HAVCR2: variants seen among roughly 807,000 people sequenced by gnomAD.
HAVCR2 encodes hepatitis A virus cellular receptor 2.
A neutral mutation model predicts 24.7 loss-of-function variants in HAVCR2; 13 were observed. The observed-to-expected ratio is 0.53, with a 90% CI of 0.34 to 0.84. HAVCR2 has a LOEUF of 0.84. HAVCR2 is among the 40% of genes least tolerant of loss of function. HAVCR2 has a pLI of 0.01. For missense variants in HAVCR2, 343 were observed against 371.2 expected, an observed-to-expected ratio of 0.92 and a Z score of 0.62; for synonymous variants, 154 against 143.4, an observed-to-expected ratio of 1.07 and a Z score of -0.53.
chr5:157,092,339 A>G (rs539472278), intron 5 of HAVCR2, among the ~76,000 whole-genome samples: 5 of 152,182 alleles, frequency 3.3e-5, no homozygotes, highest in Admixed American at 1.3e-4. Context: ...ACTCATGCCT[A>G]TAATCCCAAC....
chr5:157,108,160 T>C (rs1209431596), intron 1 of HAVCR2, among the ~76,000 whole-genome samples: 1 of 151,872 alleles, frequency 6.6e-6, no homozygotes, highest in Non-Finnish European at 1.5e-5. Flanking sequence ...TCAACTACAG[T>C]AAAAACATTC....
intron 4 of HAVCR2, 83 bp downstream of exon 4, chr5:157,098,775 A>T: frequency 7.8e-7 from 1 of 1,281,180 alleles, no homozygotes; most frequent in Non-Finnish European, 1.1e-6. Flanking sequence ...TACCCCAAGG[A>T]CAAGGTGGGC....
At chr5:157,102,450 A>G (rs1757181230) in intron 3 of HAVCR2, among the ~76,000 whole-genome samples, 1 of 152,186 alleles carries the variant, frequency 6.6e-6, no homozygotes, top group African/African-American at 2.4e-5. Context: ...AATGTTACAT[A>G]TTATAGACAA....
intron 1 of HAVCR2, among the ~76,000 whole-genome samples, 170 bp downstream of exon 1, chr5:157,108,756 T>C (rs566295335): frequency 6.6e-6 from 1 of 152,360 alleles, no homozygotes; most frequent in South Asian, 2.1e-4. Context: ...ACTCACTGTT[T>C]GTATCATGAT....
rs578177617 is a variant in HAVCR2, at chr5:157,101,956, T to C, written c.478+2710A>G. ...ATGCCCGGCTATTTTTTTTTTTTTT[T>C]TTTTTTTTGGGATGGAATCTCGCTC... On this transcript the variant is annotated intron_variant, in intron 3 of 6. Transcript: ENST00000307851. Among the ~76,000 whole-genome samples, 26 of 147,654 alleles carry C rather than the reference T, an allele frequency of 1.8e-4. No individual in the cohort carries two copies. The East Asian group carries it at 5.1e-3, about 29-fold the overall frequency.
intron 2 of HAVCR2, chr5:157,106,070 C>T (rs946901249): frequency 6.5e-6 from 1 of 152,778 alleles, no homozygotes; most frequent in Non-Finnish European, 1.5e-5. Context: ...TCTCTAACCA[C>T]TGATCTAGGC....
At chr5:157,108,861 G>T (rs936253585) in intron 1 of HAVCR2, 65 bp downstream of exon 1, 5 of 1,486,870 alleles carry the variant, frequency 3.4e-6, no homozygotes, top group Non-Finnish European at 4.6e-6. Context: ...GGCCATCCTT[G>T]TATCTCTCCC....
At chr5:157,098,284 G>A (rs1406724806) in intron 4 of HAVCR2, among the ~76,000 whole-genome samples, 1 of 152,064 alleles carries the variant, frequency 6.6e-6, no homozygotes. Flanking sequence ...GCTCATGCCT[G>A]TAATCCCAGC....
At position 157,109,043 on chromosome 5, in the gene HAVCR2, A is replaced by G. The variant is rs1757292061; in HGVS notation, c.-60T>C. 4 of 1,483,868 alleles carry G rather than the reference A, an allele frequency of 2.7e-6. No homozygotes were observed. Among genetic ancestry groups the G allele is most frequent in the African/African-American group, 1.4e-5 (1 of 72,468 alleles). 91.9% of individuals were successfully genotyped at this position (1,483,868 alleles called of 1,614,324 possible). ...GTTAGGCACAGTTTTAACTCTCCAAATGGACTGGGTACTTCTTCCAACTGT... is the reference window on the plus strand; with the variant it reads ...GTTAGGCACAGTTTTAACTCTCCAAGTGGACTGGGTACTTCTTCCAACTGT... On this transcript the variant is annotated 5_prime_UTR_variant, in exon 1 of 7. Transcript: ENST00000307851.
intron 1 of HAVCR2, among the ~76,000 whole-genome samples, chr5:157,107,974 G>T (rs115387715): frequency 6.6e-6 from 1 of 150,408 alleles, no homozygotes; most frequent in African/African-American, 2.5e-5. Flanking sequence ...TGTCTCTCAG[G>T]TGCCTCCTTA....
chr5:157,100,463 A>G lies in HAVCR2; in HGVS notation c.479-1562T>C, dbSNP rs138042302. 4.6e-3 allele frequency among the ~76,000 whole-genome samples: 704 copies of G among 152,226 alleles called. 7 individuals carry two copies. Among genetic ancestry groups the G allele is most frequent in the African/African-American group, 0.016 (671 of 41,530 alleles). ...CTGCTGATCCATTCCATGAATATGC[A>G]CTATGCCCTTACTCTAGGCACAGGG... On this transcript the variant is annotated intron_variant, in intron 3 of 6. Transcript: ENST00000307851.
In HAVCR2 at chr5:157,086,975, T is replaced by G; in HGVS notation, c.*127A>C. ...CCCAGTTCAATTCCCATGTGAGTCA[T>G]TATCTTCTGAAAATGGGAAAACTCT... On this transcript the variant is annotated 3_prime_UTR_variant, in exon 7 of 7. Transcript: ENST00000307851. 1 of 752,486 alleles carries G rather than the reference T, an allele frequency of 1.3e-6. No homozygotes were observed. Among genetic ancestry groups the G allele is most frequent in the Non-Finnish European group, 2.2e-6 (1 of 462,538 alleles). The allele number at this position is 752,486 out of a possible 1,614,324, so 46.6% of individuals were successfully genotyped here.
In HAVCR2 at chr5:157,096,955, CACACACACAT is replaced by C. The variant is rs1466272059; in HGVS notation, c.523-1506_523-1497del. Among the ~76,000 whole-genome samples the C allele has an allele frequency of 7.7e-3, 1,156 of 149,826 alleles. 14 individuals are homozygous for C. Among genetic ancestry groups the C allele is most frequent in the African/African-American group, 0.028 (1,100 of 39,744 alleles). On this transcript the variant is annotated intron_variant, in intron 4 of 6. Coordinates refer to ENST00000307851, the MANE Select transcript of HAVCR2 (RefSeq NM_032782.5). ...ACACACACACACACACACACACACA[CACACACACAT>C]ATAATTATAAGCATTTTTAAAACAA...
chr5:157,103,499 T>C (rs1214958458), intron 3 of HAVCR2, among the ~76,000 whole-genome samples: 2 of 152,220 alleles, frequency 1.3e-5, no homozygotes, highest in African/African-American at 4.8e-5. Flanking sequence ...AATAAGTATC[T>C]GGTATAACTT....
intron 6 of HAVCR2, among the ~76,000 whole-genome samples, chr5:157,087,828 G>A (rs1030651038): frequency 4.7e-5 from 7 of 150,190 alleles, no homozygotes; most frequent in Admixed American, 1.3e-4. Flanking sequence ...GCTTGAACCC[G>A]AGAAGCAGAG....
intron 3 of HAVCR2, among the ~76,000 whole-genome samples, chr5:157,099,611 T>C (rs1247403279): frequency 6.6e-6 from 1 of 151,840 alleles, no homozygotes; most frequent in East Asian, 1.9e-4. Context: ...CCTTCTTTTT[T>C]GTTTTTTTGA....
chr5:157,100,874 G>T (rs935084723), intron 3 of HAVCR2, among the ~76,000 whole-genome samples: 1 of 152,142 alleles, frequency 6.6e-6, no homozygotes, highest in African/African-American at 2.4e-5. Context: ...AGGGCAGGCA[G>T]ATCACGAGGT....
chr5:157,108,070 C>A (rs1010333801), intron 1 of HAVCR2, among the ~76,000 whole-genome samples: 16 of 151,602 alleles, frequency 1.1e-4, no homozygotes, highest in African/African-American at 3.9e-4. Flanking sequence ...TAAAAAAAAA[C>A]TATATATATT....
intron 4 of HAVCR2, among the ~76,000 whole-genome samples, chr5:157,096,283 C>A (rs564216061): frequency 6.7e-6 from 1 of 149,608 alleles, no homozygotes; most frequent in African/African-American, 2.5e-5. Context: ...GCTGAGTAAT[C>A]CTGTAGAGTT....
Sources: allele counts gnomAD v4.1 joint callset (sites outside exome capture counted in the v4.1 genomes callset), GRCh38; gene constraint gnomAD v4.1.1; transcripts MANE v1.5; gene names NCBI Gene and HGNC (gene_info 2026-07-23, HGNC 2026-07-21).